ARSG: variants seen among roughly 807,000 people sequenced by gnomAD.
The protein encoded by ARSG is ASG.
Under a neutral mutation model 50.5 loss-of-function variants are expected in ARSG, and 37 were observed. The observed-to-expected ratio is 0.73, with a 90% confidence interval of 0.56 to 0.96. ARSG has a LOEUF of 0.96. Among genes scored for constraint, ARSG ranks in the 50% least tolerant of loss-of-function variants. The pLI is 0.00. For synonymous variants in ARSG, 225 were observed against 254.6 expected (o/e 0.88, Z 1.11); for missense variants, 629 against 675.3 (o/e 0.93, Z 0.76).
At chr17:68,438,790 AG>A in the ARSG span, among the ~76,000 whole-genome samples, 1 of 152,192 alleles carries the variant, frequency 6.6e-6, no homozygotes, top group African/African-American at 2.4e-5. Context: ...CAGTAGAGAC[AG>A]GGTTTCACCA....
At chr17:68,426,250 G>GGGGA, downstream of ARSG, 1 of 828,058 alleles carries the variant, frequency 1.2e-6, no homozygotes, top group Non-Finnish European at 1.9e-6. Context: ...GGTGGGGAGC[G>GGGGA]GGGGCTCAAA....
chr17:68,319,920 A>G (rs1339412218), intron 2 of ARSG, among the ~76,000 whole-genome samples: 1 of 152,248 alleles, frequency 6.6e-6, no homozygotes, highest in East Asian at 1.9e-4. Flanking sequence ...GGTCTCAGTC[A>G]AGAAAGAGAA....
the ARSG span, among the ~76,000 whole-genome samples, chr17:68,441,844 C>T: frequency 6.6e-6 from 1 of 152,218 alleles, no homozygotes; most frequent in East Asian, 1.9e-4. Context: ...ATTTAAAACA[C>T]CTTGGGCTAT....
rs189902371 is a variant in ARSG at position 68,378,245 on chromosome 17, G to A, written c.983-6819G>A. 6.6e-6 allele frequency among the ~76,000 whole-genome samples: 1 copy of A among 152,334 alleles called. No homozygotes were observed. Among genetic ancestry groups the A allele is most frequent in the East Asian group, 1.9e-4 (1 of 5,184 alleles). ...CTCAAGAGCAGATGAAAGAGAGAAG[G>A]CGGTCAATGTTTTCGCAACGGAGTA... is the stretch of plus-strand genomic sequence containing the variant. On this transcript the variant is annotated intron_variant, in intron 8 of 11. Coordinates refer to ENST00000621439, the MANE Select transcript of ARSG (RefSeq NM_001267727.2). The surrounding 1 kb of genome is among the most constrained non-coding windows in gnomAD (Gnocchi z 4.4).
At chr17:68,397,358 A>G (rs1166368424) in intron 10 of ARSG, among the ~76,000 whole-genome samples, 2 of 152,174 alleles carry the variant, frequency 1.3e-5, no homozygotes, top group African/African-American at 2.4e-5. Flanking sequence ...AGCTGATGGT[A>G]TCTTCAAGGT....
At chr17:68,441,545 G>T in the ARSG span, among the ~76,000 whole-genome samples, 1 of 152,180 alleles carries the variant, frequency 6.6e-6, no homozygotes, top group South Asian at 2.1e-4. Context: ...GGCCTCTGGG[G>T]AATGTATAAT....
At chr17:68,429,740 C>A in the ARSG span, among the ~76,000 whole-genome samples, 1 of 152,148 alleles carries the variant, frequency 6.6e-6, no homozygotes, top group South Asian at 2.1e-4. Context: ...AGGCACGCAC[C>A]ACCATACCCG....
At chr17:68,274,017 A>C in intron 1 of ARSG, 3 of 1,614,138 alleles carry the variant, frequency 1.9e-6, no homozygotes, top group Non-Finnish European at 2.5e-6. Flanking sequence ...AGCCCCCCCA[A>C]CATCACTACC....
chr17:68,427,305 C>A (rs979339034), downstream of ARSG: 5 of 1,342,272 alleles, frequency 3.7e-6, no homozygotes, highest in African/African-American at 5.8e-5. Context: ...CATCATATAT[C>A]TAGGACACCT....
the ARSG span, chr17:68,433,435 T>A: frequency 6.3e-7 from 1 of 1,589,914 alleles, no homozygotes; most frequent in South Asian, 1.1e-5. Flanking sequence ...TCCTTTCGTT[T>A]AATGAGCATT....
At chr17:68,439,218 T>C in the ARSG span, among the ~76,000 whole-genome samples, 1 of 152,104 alleles carries the variant, frequency 6.6e-6, no homozygotes, top group South Asian at 2.1e-4. Context: ...AGTCAAAAAG[T>C]GGAAATAACC....
chr17:68,418,656 T>C (rs372249592), intron 11 of ARSG, among the ~76,000 whole-genome samples: 1 of 152,208 alleles, frequency 6.6e-6, no homozygotes, highest in Admixed American at 6.5e-5. Context: ...CATGTTGGCA[T>C]CTGCCCTCAT....
chr17:68,396,381 C>T (rs1183883240), intron 10 of ARSG, among the ~76,000 whole-genome samples: 1 of 152,196 alleles, frequency 6.6e-6, no homozygotes, highest in East Asian at 1.9e-4. Context: ...CCAGCATCAC[C>T]TCCTCAATGT....
intron 2 of ARSG, among the ~76,000 whole-genome samples, chr17:68,315,791 C>A (rs2077047660): frequency 6.6e-6 from 1 of 152,070 alleles, no homozygotes; most frequent in South Asian, 2.1e-4. Flanking sequence ...TGCCACCATA[C>A]CTGGCTAATT....
intron 2 of ARSG, among the ~76,000 whole-genome samples, chr17:68,317,918 G>A (rs1202862407): frequency 7.9e-5 from 12 of 152,184 alleles, no homozygotes; most frequent in Non-Finnish European, 1.5e-4. Flanking sequence ...GGCCAATGTG[G>A]TGAAACCCCG....
chr17:68,451,124 A>T, the ARSG span, among the ~76,000 whole-genome samples: 3 of 152,204 alleles, frequency 2.0e-5, no homozygotes, highest in African/African-American at 7.2e-5. Context: ...CTTTCCAAAT[A>T]TCTAAAGTAA....
At chr17:68,291,478 C>T (rs1190593863), upstream of ARSG, 34 of 150,760 alleles carry the variant, frequency 2.3e-4, no homozygotes, top group Non-Finnish European at 1.5e-4. Flanking sequence ...AGGAGGGGGC[C>T]TGCCTGGCGC....
At chr17:68,295,387 T>C (rs2076167831) in intron 1 of ARSG, among the ~76,000 whole-genome samples, 1 of 152,152 alleles carries the variant, frequency 6.6e-6, no homozygotes, top group African/African-American at 2.4e-5. Flanking sequence ...AACTTTTACT[T>C]GATCAGTACT....
chr17:68,380,016 C>T (rs939195702), intron 8 of ARSG: 1 of 273,554 alleles, frequency 3.7e-6, no homozygotes. Flanking sequence ...GAATTTTCTT[C>T]TGCCACTGCC....
Sources: gnomAD v4.1 joint callset for allele counts (sites outside exome capture counted in the v4.1 genomes callset) on GRCh38, gnomAD v4.1.1 for gene constraint, Gnocchi (gnomAD v3.1) non-coding constraint, MANE v1.5 for transcripts, NCBI Gene and HGNC (gene_info 2026-07-23, HGNC 2026-07-21) for gene names.